The following ZKSCAN1 variants were observed in gnomAD, a reference collection of about 807,000 sequenced individuals.
The protein encoded by ZKSCAN1 is zinc finger with KRAB and SCAN domains 1, also known as zinc finger protein with KRAB and SCAN domains 1.
ZKSCAN1 carries 14 observed loss-of-function variants against 51.6 expected under a neutral mutation model. That is an observed-to-expected ratio of 0.27 (90% CI 0.18 to 0.42). ZKSCAN1 has a LOEUF of 0.42. ZKSCAN1 is among the 10% of genes least tolerant of loss of function. The pLI, the probability that ZKSCAN1 is intolerant of heterozygous loss-of-function variation, is 1.00. For synonymous variants in ZKSCAN1, 263 were observed against 261.5 expected, an observed-to-expected ratio of 1.01 and a Z score of -0.06; for missense variants, 531 against 710.0, an observed-to-expected ratio of 0.75 and a Z score of 2.86.
chr7:100,035,153 A>G lies in ZKSCAN1; in HGVS notation c.*956A>G, dbSNP rs769059701. The G allele has an allele frequency of 5.9e-5, 9 of 152,590 alleles. No individual in the cohort carries two copies. The highest frequency in any genetic ancestry group is 1.0e-4 in the Non-Finnish European group (7 of 68,044). The allele number at this position is 152,590 out of a possible 1,614,324, so 9.5% of individuals were successfully genotyped here. ...GAGGCACTCATTCAGACTGACTTCT[A>G]CAGGACTTCTACGTGTGTGATAAAA... On this transcript the variant is annotated 3_prime_UTR_variant, in exon 6 of 6. Coordinates refer to ENST00000324306, the MANE Select transcript of ZKSCAN1 (RefSeq NM_003439.4).
At position 100,034,186 on chromosome 7, in the gene ZKSCAN1, A is replaced by G. The variant is rs775132799; in HGVS notation, c.1681A>G (p.Ser561Gly). 2.0e-6 allele frequency: 3 copies of G among 1,505,588 alleles called. No individual in the cohort carries two copies. Among genetic ancestry groups the G allele is most frequent in the East Asian group, 4.5e-5 (2 of 43,988 alleles). The allele number at this position is 1,505,588 out of a possible 1,614,324, so 93.3% of individuals were successfully genotyped here. A position where few individuals can be genotyped will look rare whatever the true frequency, so the allele number is the denominator to read the frequency against. The change falls in exon 6 of 6, where the codon AGT becomes GGT. Residue 561 changes from serine to glycine, a missense_variant. Coordinates refer to ENST00000324306, the MANE Select transcript of ZKSCAN1 (RefSeq NM_003439.4). Reference protein sequence around the residue: ...SLDAFGAFLKSCV With the variant: ...SLDAFGAFLKGCV ...TGATGCATTTGGCGCGTTCCTGAAAAGTTGTGTGTAAAGGAAGAATTTGCC... is the reference window on the plus strand; with the variant it reads ...TGATGCATTTGGCGCGTTCCTGAAAGGTTGTGTGTAAAGGAAGAATTTGCC...
chr7:100,027,147 ATTAG>A (rs531310607), intron 3 of ZKSCAN1, among the ~76,000 whole-genome samples: 14 of 152,258 alleles, frequency 9.2e-5, no homozygotes, highest in South Asian at 2.1e-4. Flanking sequence ...AAATACAAAA[ATTAG>A]TTGGTTGTGG....
chr7:100,037,651 C>T lies in ZKSCAN1; in HGVS notation c.*3454C>T. ...GAGGAAAACTTTCATGTATAGCACT[C>T]ATTGCTTCAGACAGAAAATGAATTC... is the stretch of plus-strand genomic sequence containing the variant. On this transcript the variant is annotated 3_prime_UTR_variant, in exon 6 of 6. Coordinates refer to ENST00000324306, the MANE Select transcript of ZKSCAN1 (RefSeq NM_003439.4). 1 of 985,434 alleles carries T rather than the reference C, an allele frequency of 1.0e-6. No individual in the cohort carries two copies. Among genetic ancestry groups the T allele is most frequent in the Non-Finnish European group, 1.2e-6 (1 of 829,924 alleles). 61.0% of individuals were successfully genotyped at this position (985,434 alleles called of 1,614,324 possible). A position where few individuals can be genotyped will look rare whatever the true frequency, so the allele number is the denominator to read the frequency against.
At chr7:100,018,285 T>C (rs958795547) in intron 1 of ZKSCAN1, among the ~76,000 whole-genome samples, 2 of 152,178 alleles carry the variant, frequency 1.3e-5, no homozygotes, top group Non-Finnish European at 2.9e-5. Context: ...AGTGTATTTT[T>C]GAAACTGAGG....
Position 100,040,199 on chromosome 7 carries a change from T to C in ZKSCAN1, c.*6002T>C. 1 of 985,162 alleles carries C rather than the reference T, an allele frequency of 1.0e-6. No individual in the cohort carries two copies. The highest frequency in any genetic ancestry group is 1.2e-6 in the Non-Finnish European group (1 of 829,672). The allele number at this position is 985,162 out of a possible 1,614,324, so 61.0% of individuals were successfully genotyped here. A position where few individuals can be genotyped will look rare whatever the true frequency, so the allele number is the denominator to read the frequency against. On this transcript the variant is annotated 3_prime_UTR_variant, in exon 6 of 6. Coordinates refer to ENST00000324306, the MANE Select transcript of ZKSCAN1 (RefSeq NM_003439.4). Reference sequence around the variant, plus strand: ...TCCCACAATACAGAATGTCTTAACATGAGAATTGAATTTCATGATGTGTGG... The same window carrying C: ...TCCCACAATACAGAATGTCTTAACACGAGAATTGAATTTCATGATGTGTGG...
At chr7:100,021,893 G>C (rs1790606771) in intron 1 of ZKSCAN1, among the ~76,000 whole-genome samples, 2 of 151,924 alleles carry the variant, frequency 1.3e-5, no homozygotes, top group African/African-American at 2.4e-5. Context: ...TGCAGACACA[G>C]TCCCCATGCC....
intron 1 of ZKSCAN1, among the ~76,000 whole-genome samples, chr7:100,017,727 G>A (rs781387527): frequency 6.6e-6 from 1 of 152,138 alleles, no homozygotes; most frequent in Non-Finnish European, 1.5e-5. Flanking sequence ...TATTCACCCA[G>A]AGGTAGTTTC....
In ZKSCAN1 at chr7:100,040,738, T is replaced by C. The variant is rs1016321567; in HGVS notation, c.*6541T>C. 102 of 985,316 alleles carry C rather than the reference T, an allele frequency of 1.0e-4. No individual in the cohort carries two copies. The highest frequency in any genetic ancestry group is 3.1e-4 in the African/African-American group (18 of 57,226). 61.0% of individuals were successfully genotyped at this position (985,316 alleles called of 1,614,324 possible). On this transcript the variant is annotated 3_prime_UTR_variant, in exon 6 of 6. Transcript: ENST00000324306. ...CTGAGGAGGGGCCGAGGAAAGGCTG[T>C]TGGGGTGTGCTGGGGTTGGTACCCG... is the stretch of plus-strand genomic sequence containing the variant.
At chr7:100,026,518 A>G (rs1790844481) in intron 3 of ZKSCAN1, among the ~76,000 whole-genome samples, 1 of 152,174 alleles carries the variant, frequency 6.6e-6, no homozygotes, top group South Asian at 2.1e-4. Flanking sequence ...ACTTGAGGCC[A>G]GGAGTCTCAG....
intron 3 of ZKSCAN1, among the ~76,000 whole-genome samples, chr7:100,026,579 A>G (rs1053673808): frequency 2.0e-5 from 3 of 152,120 alleles, no homozygotes; most frequent in African/African-American, 4.8e-5. Context: ...TAAAAAAATT[A>G]GCCAGGCGTG....
intron 3 of ZKSCAN1, among the ~76,000 whole-genome samples, chr7:100,028,317 C>T (rs1358175401): frequency 6.6e-6 from 1 of 151,722 alleles, no homozygotes; most frequent in Non-Finnish European, 1.5e-5. Context: ...GCGCCATGCA[C>T]ACCAGCCTGG....
chr7:100,035,834 CTG>C lies in ZKSCAN1; in HGVS notation c.*1639_*1640del. On this transcript the variant is annotated 3_prime_UTR_variant, in exon 6 of 6. Coordinates refer to ENST00000324306, the MANE Select transcript of ZKSCAN1 (RefSeq NM_003439.4). ...CTACCTAGAAGCTGATGGCAGGAGA[CTG>C]TTTCACACACAGGAGATTGTGAGCT... 4.1e-6 allele frequency: 4 copies of C among 985,414 alleles called. No individual in the cohort carries two copies. The highest frequency in any genetic ancestry group is 4.8e-6 in the Non-Finnish European group (4 of 829,944). 61.0% of individuals were successfully genotyped at this position (985,414 alleles called of 1,614,324 possible).
chr7:100,024,468 C>A, intron 3 of ZKSCAN1, 161 bp downstream of exon 3: 1 of 888,050 alleles, frequency 1.1e-6, no homozygotes, highest in Non-Finnish European at 1.7e-6. Context: ...GTGGCGCACA[C>A]CTGTGATTCC....
At position 100,037,147 on chromosome 7, in the gene ZKSCAN1, C is replaced by T. The variant is rs1477791315; in HGVS notation, c.*2950C>T. Reference sequence around the variant, plus strand: ...AGTGTAATTGGGTCATGGTCAAAAACGCTTGCAACATCTAATTGGCGTTCA... The same window carrying T: ...AGTGTAATTGGGTCATGGTCAAAAATGCTTGCAACATCTAATTGGCGTTCA... On this transcript the variant is annotated 3_prime_UTR_variant, in exon 6 of 6. Coordinates refer to ENST00000324306, the MANE Select transcript of ZKSCAN1 (RefSeq NM_003439.4). 11 of 985,314 alleles carry T rather than the reference C, an allele frequency of 1.1e-5. No individual in the cohort carries two copies. The African/African-American group carries it at 1.2e-4, about 11-fold the overall frequency. 61.0% of individuals were successfully genotyped at this position (985,314 alleles called of 1,614,324 possible). A position where few individuals can be genotyped will look rare whatever the true frequency, so the allele number is the denominator to read the frequency against.
rs1201181545 is a variant in ZKSCAN1, at chr7:100,033,788, C to A, written c.1283C>A (p.Thr428Lys). 1.2e-6 allele frequency: 2 copies of A among 1,614,228 alleles called. No individual in the cohort carries two copies. Among genetic ancestry groups the A allele is most frequent in the South Asian group, 2.2e-5 (2 of 91,088 alleles). Reference protein sequence around the residue: ...SNLVLHQRIHTGEKPHECNEC... With the variant: ...SNLVLHQRIHKGEKPHECNEC... ...CTTGTCCTGCATCAGAGGATCCACA[C>A]AGGAGAGAAACCTCATGAATGTAAC... The change falls in exon 6 of 6, where the codon ACA becomes AAA. Residue 428 changes from threonine (T) to lysine (K), a missense_variant. Physicochemically the swap from Thr to Lys is moderately conservative, Grantham distance 78. Transcript: ENST00000324306. The surrounding 1 kb of genome is among the most constrained non-coding windows in gnomAD (Gnocchi z 4.1).
Position 100,039,427 on chromosome 7 carries a change from C to A in ZKSCAN1, c.*5230C>A, listed in dbSNP as rs762102343. 4 of 985,268 alleles carry A rather than the reference C, an allele frequency of 4.1e-6. No individual in the cohort carries two copies. The highest frequency in any genetic ancestry group is 4.8e-6 in the Non-Finnish European group (4 of 829,936). 61.0% of individuals were successfully genotyped at this position (985,268 alleles called of 1,614,324 possible). On this transcript the variant is annotated 3_prime_UTR_variant, in exon 6 of 6. Transcript: ENST00000324306. ...AGTCGTGGCATTGCAAGAAGTCTGT[C>A]TGATGAAGCTCGGGAAGCATTTTGC...
Position 100,036,875 on chromosome 7 carries a change from T to TCAGC in ZKSCAN1, c.*2681_*2684dup, listed in dbSNP as rs1232495329. ...AGCCACAACTATATGCTGATATAAC[T>TCAGC]CAGCCATCACTTTTGAGTTTTGTTT... On this transcript the variant is annotated 3_prime_UTR_variant, in exon 6 of 6. Transcript: ENST00000324306. The TCAGC allele has an allele frequency of 5.1e-6, 5 of 984,668 alleles. No individual in the cohort carries two copies. The highest frequency in any genetic ancestry group is 6.0e-6 in the Non-Finnish European group (5 of 829,822). 61.0% of individuals were successfully genotyped at this position (984,668 alleles called of 1,614,324 possible).
intron 3 of ZKSCAN1, among the ~76,000 whole-genome samples, chr7:100,027,058 A>C (rs958656364): frequency 6.6e-6 from 1 of 152,154 alleles, no homozygotes; most frequent in Non-Finnish European, 1.5e-5. Flanking sequence ...GCACTTTGGG[A>C]GGCGAAGGTG....
downstream of ZKSCAN1, among the ~76,000 whole-genome samples, chr7:100,042,514 C>G (rs558413272): frequency 6.6e-6 from 1 of 152,102 alleles, no homozygotes; most frequent in South Asian, 2.1e-4. Context: ...GTAACTGATG[C>G]AGACTCCACA....
Sources: allele counts gnomAD v4.1 joint callset (sites outside exome capture counted in the v4.1 genomes callset), GRCh38; gene constraint gnomAD v4.1.1; non-coding constraint Gnocchi (gnomAD v3.1); transcripts MANE v1.5; gene names NCBI Gene and HGNC (gene_info 2026-07-23, HGNC 2026-07-21).